The following ACSL1 variants were observed in gnomAD, a reference collection of about 807,000 sequenced individuals.
ACSL1 encodes the protein acyl-CoA synthetase long chain family member 1.
Under a neutral mutation model 98.4 loss-of-function variants are expected in ACSL1, and 41 were observed. The ratio of observed to expected loss-of-function variants is 0.42; its 90% confidence interval spans 0.32 to 0.54. The LOEUF is 0.54. Ranked by LOEUF, ACSL1 falls within the 20% of genes least tolerant of loss-of-function variation. The pLI, the probability that ACSL1 is intolerant of heterozygous loss-of-function variation, is 0.13. For missense variants in ACSL1, 734 were observed against 883.1 expected, an observed-to-expected ratio of 0.83 and a Z score of 2.14; for synonymous variants, 316 against 322.7, an observed-to-expected ratio of 0.98 and a Z score of 0.22.
chr4:184,757,296 A>T lies in ACSL1; in HGVS notation c.1957-31T>A. The stretch of plus-strand genomic sequence containing the variant: ...AATAAACAAGGCAGTTAAAAGAGGA[A>T]AAAGGACACGGGCCACCAGTCTCAA... On this transcript the variant is annotated intron_variant, in intron 20 of 20. Transcript: ENST00000281455. The surrounding 1 kb of genome is among the most constrained non-coding windows in gnomAD (Gnocchi z 4.5). 6.3e-7 allele frequency: 1 copy of T among 1,576,982 alleles called. No individual in the cohort carries two copies. Among genetic ancestry groups the T allele is most frequent in the Non-Finnish European group, 8.7e-7 (1 of 1,153,934 alleles).
At chr4:184,822,525 G>A (rs1160445260) in intron 1 of ACSL1, among the ~76,000 whole-genome samples, 3 of 152,136 alleles carry the variant, frequency 2.0e-5, no homozygotes, top group Non-Finnish European at 4.4e-5. Flanking sequence ...AATCGCTTGA[G>A]CCCAGGAGTT....
At chr4:184,805,069 A>G (rs777835161) in intron 1 of ACSL1, among the ~76,000 whole-genome samples, 4 of 152,310 alleles carry the variant, frequency 2.6e-5, no homozygotes, top group Admixed American at 1.3e-4. Context: ...AAGAAAAAAA[A>G]CAAAAATTTA....
intron 1 of ACSL1, among the ~76,000 whole-genome samples, chr4:184,813,180 GC>G (rs1376423728): frequency 1.3e-5 from 2 of 152,182 alleles, no homozygotes; most frequent in Non-Finnish European, 2.9e-5. Flanking sequence ...TACAGCCTTT[GC>G]GTGGGACAGC....
Position 184,757,979 on chromosome 4 carries a change from T to C in ACSL1, c.1783-59A>G. 4.6e-6 allele frequency: 7 copies of C among 1,508,384 alleles called. No homozygotes were observed. Among genetic ancestry groups the C allele is most frequent in the Non-Finnish European group, 6.4e-6 (7 of 1,089,906 alleles). 93.4% of individuals were successfully genotyped at this position (1,508,384 alleles called of 1,614,324 possible). A position where few individuals can be genotyped will look rare whatever the true frequency, so the allele number is the denominator to read the frequency against. Reference sequence around the variant, plus strand: ...TGATCCAAATGCTCTAAAATAGTGGTTCTTTATTTTTCCATCTTGTGGCCC... The same window carrying C: ...TGATCCAAATGCTCTAAAATAGTGGCTCTTTATTTTTCCATCTTGTGGCCC... On this transcript the variant is annotated intron_variant, in intron 18 of 20. Transcript: ENST00000281455. The surrounding 1 kb of genome is among the most constrained non-coding windows in gnomAD (Gnocchi z 4.5).
chr4:184,818,076 G>A (rs543489704), intron 1 of ACSL1, among the ~76,000 whole-genome samples: 3 of 152,246 alleles, frequency 2.0e-5, no homozygotes, highest in African/African-American at 4.8e-5. Flanking sequence ...ACTCAGTTCC[G>A]TCCACTGTGA....
At chr4:184,763,066 CA>C in intron 16 of ACSL1, 100 bp downstream of exon 16, 2 of 1,224,222 alleles carry the variant, frequency 1.6e-6, no homozygotes, top group Non-Finnish European at 2.3e-6. Context: ...AAGTCAAGTT[CA>C]ATGGCTTTAT....
chr4:184,781,902 C>T (rs953012144), intron 4 of ACSL1, among the ~76,000 whole-genome samples: 3 of 152,210 alleles, frequency 2.0e-5, no homozygotes, highest in Non-Finnish European at 2.9e-5. Context: ...TGAGCCATAC[C>T]GTGCCTGGCC....
chr4:184,807,287 T>G (rs370619187), intron 1 of ACSL1, among the ~76,000 whole-genome samples: 3 of 152,248 alleles, frequency 2.0e-5, no homozygotes, highest in Admixed American at 6.5e-5. Context: ...AGGAAATTTA[T>G]AGCCTGGGCA....
At chr4:184,784,678 C>T (rs904439954) in intron 3 of ACSL1, among the ~76,000 whole-genome samples, 2 of 152,124 alleles carry the variant, frequency 1.3e-5, no homozygotes, top group African/African-American at 4.8e-5. Flanking sequence ...TCTGAGTGTT[C>T]GTGAGGAGGC....
intron 2 of ACSL1, among the ~76,000 whole-genome samples, chr4:184,793,182 A>C (rs1428628702): frequency 7.3e-6 from 1 of 136,666 alleles, no homozygotes; most frequent in South Asian, 2.3e-4. Flanking sequence ...GTGGTTACAT[A>C]GTGTTCCCAG....
intron 2 of ACSL1, among the ~76,000 whole-genome samples, chr4:184,797,522 T>C (rs955118094): frequency 6.6e-6 from 1 of 152,182 alleles, no homozygotes; most frequent in Non-Finnish European, 1.5e-5. Flanking sequence ...CTGTGGTTTG[T>C]TCATGCAGGC....
rs1371276860 is a variant in ACSL1 at position 184,765,919 on chromosome 4, G to T, written c.1331C>A (p.Thr444Lys). 1 of 1,614,044 alleles carries T rather than the reference G, an allele frequency of 6.2e-7. No homozygotes were observed. Among genetic ancestry groups the T allele is most frequent in the Non-Finnish European group, 8.5e-7 (1 of 1,179,972 alleles). The change falls in exon 14 of 21, where the codon ACG (threonine) becomes AAG (lysine). Residue 444 changes from threonine to lysine, a missense_variant. Physicochemically the swap from Thr to Lys is moderately conservative, Grantham distance 78. Transcript: ENST00000281455. ...GAAPVSATVL[T>K]FLRAALGCQF... The stretch of plus-strand genomic sequence containing the variant: ...ACAGCCCAGGGCTGCTCTGAGGAAC[G>T]TCAGCACAGTGGCAGACACCGGGGC...
In ACSL1 at chr4:184,763,233, C is replaced by A. The variant is rs373958064; in HGVS notation, c.1455G>T (p.Pro485=). 6.2e-7 allele frequency: 1 copy of A among 1,613,874 alleles called. No individual in the cohort carries two copies. The highest frequency in any genetic ancestry group is 8.5e-7 in the Non-Finnish European group (1 of 1,179,984). ...CATCAACAAGTTTTATCAAATTGCACGGCATCGGGGCCCCAACATGGCCTG... is the reference window on the plus strand; with the variant it reads ...CATCAACAAGTTTTATCAAATTGCAAGGCATCGGGGCCCCAACATGGCCTG... ...WTAGHVGAPM[P]CNLIKLVDVE... is the part of the protein sequence containing the mutation. Residue 485 remains proline (P), a synonymous_variant, in exon 16 of 21, where the codon CCG becomes CCT. Coordinates refer to ENST00000281455, the MANE Select transcript of ACSL1 (RefSeq NM_001995.5).
chr4:184,809,106 G>A (rs916361098), intron 1 of ACSL1, among the ~76,000 whole-genome samples: 1 of 152,164 alleles, frequency 6.6e-6, no homozygotes, highest in Non-Finnish European at 1.5e-5. Flanking sequence ...ATCACCAATT[G>A]AATTTCCTAA....
intron 15 of ACSL1, 110 bp downstream of exon 15, chr4:184,764,743 C>T: frequency 2.0e-6 from 2 of 992,930 alleles, no homozygotes; most frequent in Non-Finnish European, 2.9e-6. Context: ...AAACATAGCA[C>T]TTTTGTTTAA....
In ACSL1 at chr4:184,773,814, C is replaced by G. The variant is rs1366122204; in HGVS notation, c.789+29G>C. 1 of 1,613,784 alleles carries G rather than the reference C, an allele frequency of 6.2e-7. No individual in the cohort carries two copies. The highest frequency in any genetic ancestry group is 1.7e-5 in the Admixed American group (1 of 60,006). On this transcript the variant is annotated intron_variant, in intron 8 of 20. Transcript: ENST00000281455. The surrounding 1 kb of genome is among the most constrained non-coding windows in gnomAD (Gnocchi z 4.3). The stretch of plus-strand genomic sequence containing the variant: ...TAGATATTGAAAACTACAAAGAGGA[C>G]AGAGCAGGGTCTGACACGGTGTGCT...
At chr4:184,768,909 T>G (rs1251382114) in intron 11 of ACSL1, among the ~76,000 whole-genome samples, 1 of 151,990 alleles carries the variant, frequency 6.6e-6, no homozygotes, top group African/African-American at 2.4e-5. Context: ...CCATCTCTAC[T>G]AAAACAAAAA....
At chr4:184,779,053 G>A (rs1765774889) in intron 5 of ACSL1, among the ~76,000 whole-genome samples, 2 of 152,020 alleles carry the variant, frequency 1.3e-5, no homozygotes, top group Admixed American at 6.5e-5. Flanking sequence ...ATTTTTCTAA[G>A]CCAGCTAGAT....
chr4:184,812,205 G>A (rs772534178), intron 1 of ACSL1: 60 of 985,198 alleles, frequency 6.1e-5, no homozygotes, highest in South Asian at 9.4e-5. Context: ...TCCTCTCCCC[G>A]GCCAGGGTCT....
Sources: gnomAD v4.1 joint callset for allele counts (sites outside exome capture counted in the v4.1 genomes callset) on GRCh38, gnomAD v4.1.1 for gene constraint, Gnocchi (gnomAD v3.1) non-coding constraint, MANE v1.5 for transcripts, NCBI Gene and HGNC (gene_info 2026-07-23, HGNC 2026-07-21) for gene names.